SLC25A46: variants seen among roughly 807,000 people sequenced by gnomAD.
The protein encoded by SLC25A46 is mitochondrial outer membrane protein SLC25A46.
A neutral mutation model predicts 44.6 loss-of-function variants in SLC25A46; 39 were observed. The ratio of observed to expected loss-of-function variants is 0.87; its 90% CI spans 0.68 to 1.14. The LOEUF (loss-of-function observed/expected upper bound fraction) is 1.14, where lower values mean the gene tolerates loss of function less well. Among genes scored for constraint, SLC25A46 ranks in the 50% most tolerant of loss-of-function variants. SLC25A46 has a pLI of 0.00. For synonymous variants in SLC25A46, 202 were observed against 185.8 expected (o/e 1.09, Z -0.71); for missense variants, 547 against 522.7 (o/e 1.05, Z -0.45).
intron 2 of SLC25A46, among the ~76,000 whole-genome samples, 154 bp downstream of exon 2, chr5:110,742,243 G>A (rs1299156695): frequency 6.6e-6 from 1 of 151,936 alleles, no homozygotes; most frequent in East Asian, 1.9e-4. Context: ...GAAAAAAAAT[G>A]ACCATTATTT....
upstream of SLC25A46, among the ~76,000 whole-genome samples, chr5:110,738,535 CAT>C: frequency 6.6e-6 from 1 of 152,124 alleles, no homozygotes; most frequent in Non-Finnish European, 1.5e-5. Flanking sequence ...TGGGCGGTAC[CAT>C]ATCTCTCAAT....
intron 5 of SLC25A46, chr5:110,755,258 G>A (rs775725832): frequency 1.6e-4 from 60 of 374,118 alleles, no homozygotes; most frequent in South Asian, 1.1e-3. Context: ...CTATCAGCAC[G>A]TATGAAAACA....
upstream of SLC25A46, chr5:110,738,190 C>T (rs1280391317): frequency 1.6e-6 from 2 of 1,276,608 alleles, no homozygotes; most frequent in Non-Finnish European, 2.0e-6. Flanking sequence ...CCATGGAAGT[C>T]TTCCTCAGAT....
intron 5 of SLC25A46, among the ~76,000 whole-genome samples, chr5:110,748,878 CT>C (rs993186772): frequency 2.6e-5 from 4 of 151,872 alleles, no homozygotes; most frequent in African/African-American, 9.7e-5. Flanking sequence ...ACGATTGTGC[CT>C]TTTTAAGTTT....
chr5:110,755,008 A>C (rs1172593760), intron 5 of SLC25A46: 1 of 152,894 alleles, frequency 6.5e-6, no homozygotes, highest in East Asian at 1.9e-4. Flanking sequence ...TAATTGTACT[A>C]AGTAAAGATA....
rs1022875973 is a variant in SLC25A46 at position 110,739,343 on chromosome 5, G to T, written c.224G>T (p.Gly75Val). 1.9e-6 allele frequency: 3 copies of T among 1,563,402 alleles called. No individual in the cohort carries two copies. Among genetic ancestry groups the T allele is most frequent in the Middle Eastern group, 1.7e-4 (1 of 6,014 alleles). ...GVPTTSTPYE[G>V]PTEEPFSSGG... is the part of the protein sequence containing the mutation. ...CCCACCACCTCCACCCCGTACGAAG[G>T]CCCCACGGAGGAACCCTTTTCCAGT... The change falls in exon 1 of 8, where the codon GGC (glycine) becomes GTC (valine). Residue 75 changes from glycine (G) to valine (V), a missense_variant. Physicochemically the swap from Gly to Val is moderately radical, Grantham distance 109. Coordinates refer to ENST00000355943, the MANE Select transcript of SLC25A46 (RefSeq NM_138773.4).
intron 5 of SLC25A46, among the ~76,000 whole-genome samples, chr5:110,749,094 G>T (rs937770175): frequency 3.3e-5 from 5 of 152,126 alleles, no homozygotes; most frequent in African/African-American, 1.2e-4. Flanking sequence ...CTGAAGTATA[G>T]TCGATGGTCA....
At chr5:110,751,987 G>T (rs1029363975) in intron 5 of SLC25A46, among the ~76,000 whole-genome samples, 1 of 152,106 alleles carries the variant, frequency 6.6e-6, no homozygotes, top group African/African-American at 2.4e-5. Context: ...GTTTGTTTCT[G>T]TATCCTATTA....
At chr5:110,738,377 T>G, upstream of SLC25A46, 1 of 564,534 alleles carries the variant, frequency 1.8e-6, no homozygotes, top group Non-Finnish European at 2.4e-6. Context: ...CAGAAAACTA[T>G]AGTTTCTTTA....
intron 7 of SLC25A46, among the ~76,000 whole-genome samples, chr5:110,757,675 C>A (rs1343745134): frequency 6.6e-6 from 1 of 152,018 alleles, no homozygotes; most frequent in Non-Finnish European, 1.5e-5. Flanking sequence ...CTTTCCCTTC[C>A]CCTTGCATTT....
rs1800339323 is a variant in SLC25A46, at chr5:110,764,509, A to C, written c.*2727A>C. 1 of 151,916 alleles carries C rather than the reference A, an allele frequency of 6.6e-6. No individual in the cohort carries two copies. Among genetic ancestry groups the C allele is most frequent in the African/African-American group, 2.4e-5 (1 of 41,424 alleles). The allele number at this position is 151,916 out of a possible 1,614,324, so 9.4% of individuals were successfully genotyped here. On this transcript the variant is annotated 3_prime_UTR_variant, in exon 8 of 8. Transcript: ENST00000355943. ...GCTGGTGTTTTCAGAAGCATACAGA[A>C]CTGGAAAGGTAAGAACTTGCTTACT... is the stretch of plus-strand genomic sequence containing the variant.
chr5:110,738,374 CTA>C, upstream of SLC25A46: 5 of 590,444 alleles, frequency 8.5e-6, no homozygotes, highest in South Asian at 1.6e-4. Context: ...CGACAGAAAA[CTA>C]TAGTTTCTTT....
At chr5:110,746,092 T>C (rs1240208388) in intron 3 of SLC25A46, 177 bp from the exon 4 acceptor site, 4 of 569,382 alleles carry the variant, frequency 7.0e-6, no homozygotes, top group African/African-American at 5.9e-5. Context: ...CCATACATAC[T>C]GTACTTTTAA....
chr5:110,738,148 C>A, upstream of SLC25A46: 1 of 1,126,048 alleles, frequency 8.9e-7, no homozygotes, highest in Non-Finnish European at 1.1e-6. Flanking sequence ...GAATCCTGGG[C>A]TTCCAACGAG....
intron 3 of SLC25A46, 30 bp from the exon 4 acceptor site, chr5:110,746,239 G>A: frequency 6.7e-7 from 1 of 1,486,422 alleles, no homozygotes; most frequent in South Asian, 1.2e-5. Flanking sequence ...AACATTAACA[G>A]AAAAAAATAA....
At chr5:110,748,483 A>G (rs1317940934) in intron 5 of SLC25A46, among the ~76,000 whole-genome samples, 1 of 152,144 alleles carries the variant, frequency 6.6e-6, no homozygotes, top group Non-Finnish European at 1.5e-5. Context: ...TATTGTTTTA[A>G]TAATAAATAA....
intron 5 of SLC25A46, chr5:110,754,344 T>G (rs1357210632): frequency 6.6e-6 from 1 of 151,258 alleles, no homozygotes; most frequent in African/African-American, 2.4e-5. Context: ...TCATTTTTCT[T>G]CTATCTCCCC....
rs993458791 is a variant in SLC25A46 at position 110,739,128 on chromosome 5, G to A, written c.9G>A (p.Pro3=). The A allele has an allele frequency of 2.2e-5, 34 of 1,547,488 alleles. No individual in the cohort carries two copies. The highest frequency in any genetic ancestry group is 4.4e-6 in the Non-Finnish European group (5 of 1,146,654). The part of the protein sequence containing the change: MH[P]RRPDGFDGLG... ...ATCCTGCCCCCGCTGCGATGCATCC[G>A]CGGCGCCCGGACGGATTTGATGGCT... The change falls in exon 1 of 8, where the codon CCG becomes CCA. Residue 3 remains proline (P), a synonymous_variant. Transcript: ENST00000355943.
In SLC25A46 at chr5:110,739,030, C is replaced by G. The variant is rs1489091195; in HGVS notation, c.-90C>G. On this transcript the variant is annotated 5_prime_UTR_variant, in exon 1 of 8. Coordinates refer to ENST00000355943, the MANE Select transcript of SLC25A46 (RefSeq NM_138773.4). ...TCAGAATTTACCCCTGACGCGGCGG[C>G]GGCCGACGGGAAGCTGTGTGTGCTT... The G allele has an allele frequency of 6.7e-7, 1 of 1,487,900 alleles. No homozygotes were observed. The highest frequency in any genetic ancestry group is 2.6e-5 in the Admixed American group (1 of 37,904). The allele number at this position is 1,487,900 out of a possible 1,614,324, so 92.2% of individuals were successfully genotyped here. A position where few individuals can be genotyped will look rare whatever the true frequency, so the allele number is the denominator to read the frequency against.
Sources: gnomAD v4.1 joint callset for allele counts (sites outside exome capture counted in the v4.1 genomes callset) on GRCh38, gnomAD v4.1.1 for gene constraint, MANE v1.5 for transcripts, NCBI Gene and HGNC (gene_info 2026-07-23, HGNC 2026-07-21) for gene names.